Variants in NBPF12 observed in about 807,000 individuals in gnomAD.
NBPF12 encodes NBPF member 12.
Under a neutral mutation model 146.4 loss-of-function variants are expected in NBPF12, and 115 were observed. That is an observed-to-expected ratio of 0.79 (90% CI 0.68 to 0.92). The LOEUF (loss-of-function observed/expected upper bound fraction) is 0.92. NBPF12 is among the 40% of genes least tolerant of loss of function. NBPF12 has a pLI of 0.00. For synonymous variants in NBPF12, 385 were observed against 508.9 expected, an observed-to-expected ratio of 0.76 and a Z score of 3.28; for missense variants, 1,205 against 1,326.8, an observed-to-expected ratio of 0.91 and a Z score of 1.43.
At chr1:146,938,526 C>G (rs1325467897), upstream of NBPF12, among the ~76,000 whole-genome samples, 1 of 152,142 alleles carries the variant, frequency 6.6e-6, no homozygotes, top group African/African-American at 2.4e-5. Flanking sequence ...TTTCCCGTCC[C>G]CGCTGCGCTC....
At chr1:146,978,161 C>T (rs1657165974) in intron 18 of NBPF12, among the ~76,000 whole-genome samples, 1 of 150,986 alleles carries the variant, frequency 6.6e-6, no homozygotes. Flanking sequence ...AACTTTTCTT[C>T]TTTACTTTGC....
At chr1:146,952,023 G>A (rs1310335106) in intron 2 of NBPF12, 4 of 155,940 alleles carry the variant, frequency 2.6e-5, no homozygotes, top group Admixed American at 2.5e-4. Flanking sequence ...ATCAGAGCCA[G>A]AGGAACATTT....
upstream of NBPF12, chr1:146,949,259 C>G (rs1163804089): frequency 6.7e-6 from 1 of 149,716 alleles, no homozygotes; most frequent in Non-Finnish European, 1.5e-5. Context: ...TTCCACCTAA[C>G]GAGAAACGCC....
chr1:146,994,403 C>T (rs782014227), exon 34 of NBPF12: 18 of 1,612,192 alleles, frequency 1.1e-5, no homozygotes, highest in Non-Finnish European at 1.4e-5. Flanking sequence ...TGTTATTCGA[C>T]TCCATCAATG....
At chr1:146,961,098 A>G (rs1655820612) in intron 4 of NBPF12, among the ~76,000 whole-genome samples, 1 of 152,094 alleles carries the variant, frequency 6.6e-6, no homozygotes, top group Non-Finnish European at 1.5e-5. Context: ...GTGAGCCAAG[A>G]TTGCACTATT....
chr1:146,959,171 T>TC (rs1655728412), intron 2 of NBPF12, among the ~76,000 whole-genome samples: 1 of 99,854 alleles, frequency 1.0e-5, no homozygotes, highest in Non-Finnish European at 2.0e-5. Context: ...TGGCATATAT[T>TC]CCCACCTGAG....
chr1:146,954,881 CCACA>C (rs1160541580), intron 2 of NBPF12, among the ~76,000 whole-genome samples: 17 of 102,996 alleles, frequency 1.7e-4, no homozygotes, highest in African/African-American at 2.2e-4. Context: ...GTATACACAC[CCACA>C]CACACACACA....
chr1:146,978,299 C>T (rs1184362047), intron 18 of NBPF12, among the ~76,000 whole-genome samples: 1 of 130,780 alleles, frequency 7.6e-6, no homozygotes, highest in Non-Finnish European at 1.6e-5. Context: ...GAGTCCTGCT[C>T]TGTCACCTAG....
intron 27 of NBPF12, among the ~76,000 whole-genome samples, chr1:146,989,314 C>A (rs1195467202): frequency 2.0e-5 from 3 of 146,518 alleles, no homozygotes; most frequent in African/African-American, 7.5e-5. Flanking sequence ...TGTCACCTGG[C>A]CAATTCACTA....
exon 20 of NBPF12, chr1:146,982,981 G>A: frequency 6.2e-7 from 1 of 1,609,418 alleles, no homozygotes; most frequent in East Asian, 2.2e-5. Flanking sequence ...TGGGATGAAG[G>A]TTATTCGACT....
At chr1:146,983,117 A>C in intron 20 of NBPF12, 26 bp downstream of exon 23, 1 of 1,297,370 alleles carries the variant, frequency 7.7e-7, no homozygotes, top group Non-Finnish European at 1.1e-6. Context: ...TGAAGGTGAT[A>C]AAGCTCCAGT....
chr1:146,984,599 G>C (rs1196856948), intron 21 of NBPF12, among the ~76,000 whole-genome samples: 1 of 145,338 alleles, frequency 6.9e-6, no homozygotes, highest in Non-Finnish European at 1.5e-5. Context: ...GTGTGTGTGT[G>C]TGTGTGTGTG....
chr1:146,954,969 AATATAT>A (rs1171967177), intron 2 of NBPF12, among the ~76,000 whole-genome samples: 647 of 53,422 alleles, frequency 0.012, 23 homozygotes, highest in African/African-American at 0.024. Context: ...CCAAATAGGG[AATATAT>A]ATATATATAT....
At chr1:146,978,701 TTTTG>T (rs1267989413) in intron 18 of NBPF12, among the ~76,000 whole-genome samples, 2 of 146,706 alleles carry the variant, frequency 1.4e-5, no homozygotes, top group Non-Finnish European at 3.0e-5. Context: ...GGGGAAAAAA[TTTTG>T]TTTAACTTTG....
intron 33 of NBPF12, among the ~76,000 whole-genome samples, 178 bp from the exon 37 acceptor site, chr1:146,994,154 C>G (rs1362983577): frequency 7.3e-6 from 1 of 137,166 alleles, no homozygotes. Flanking sequence ...CTTTCTCTTT[C>G]ATTGTTTTCT....
rs1404474651 is a variant in NBPF12 at position 146,981,967 on chromosome 1, AG to A, written c.2451-959del. Among the ~76,000 whole-genome samples, 22 of 148,138 alleles carry A rather than the reference AG, an allele frequency of 1.5e-4. No individual in the cohort carries two copies. The South Asian group carries it at 2.4e-3, about 16-fold the overall frequency. On this transcript the variant is annotated intron_variant, in intron 19 of 33. Transcript: ENST00000617844. ...TAGCCATTCGTCTAATCTTTTTTCA[AG>A]GTTTTTAGCTTCCTTGCGATGAGTT...
At chr1:146,985,977 G>A (rs1364825627) in intron 23 of NBPF12, among the ~76,000 whole-genome samples, 15,163 of 135,254 alleles carry the variant, frequency 0.11, 631 homozygotes, top group East Asian at 0.17. Flanking sequence ...CTCAAAGGCC[G>A]TATGGCAACT....
At position 146,964,626 on chromosome 1, in the gene NBPF12, A is replaced by G. The variant is rs1227041120; in HGVS notation, c.566+197A>G. ...GTGTGCCAAGTGTCATGTCTGTACCATACAGGGATAGCTGAGTCTTCATCC... is the reference window on the plus strand; with the variant it reads ...GTGTGCCAAGTGTCATGTCTGTACCGTACAGGGATAGCTGAGTCTTCATCC... On this transcript the variant is annotated intron_variant, in intron 7 of 33. Coordinates refer to ENST00000617844, the Ensembl canonical transcript of NBPF12. Among the ~76,000 whole-genome samples, 5 of 151,934 alleles carry G rather than the reference A, an allele frequency of 3.3e-5. No homozygotes were observed. The East Asian group carries it at 5.8e-4, about 18-fold the overall frequency.
exon 34 of NBPF12, chr1:146,995,958 T>G (rs1381690400): frequency 1.3e-5 from 2 of 150,796 alleles, no homozygotes; most frequent in East Asian, 3.9e-4. Context: ...CTGCAAATTT[T>G]GGGTCTCAAT....
Sources: gnomAD v4.1 joint callset for allele counts (sites outside exome capture counted in the v4.1 genomes callset) on GRCh38, gnomAD v4.1.1 for gene constraint, MANE v1.5 for transcripts, NCBI Gene and HGNC (gene_info 2026-07-23, HGNC 2026-07-21) for gene names.